AKAP6: variants seen among roughly 807,000 people sequenced by gnomAD.
AKAP6 encodes A-kinase anchor protein 6.
In AKAP6, 58 loss-of-function variants were observed where a neutral mutation model predicts 188.5. That is an observed-to-expected ratio of 0.31 (90% CI 0.25 to 0.38). The LOEUF (loss-of-function observed/expected upper bound fraction) is 0.38, where lower values mean the gene tolerates loss of function less well. Among genes scored for constraint, AKAP6 ranks in the 10% least tolerant of loss-of-function variants. The pLI, the probability that AKAP6 is intolerant of heterozygous loss-of-function variation, is 1.00. For synonymous variants in AKAP6, 989 were observed against 998.6 expected (o/e 0.99, Z 0.18); for missense variants, 2,710 against 2,740.0 (o/e 0.99, Z 0.24).
At chr14:32,786,037 G>A (rs1028043706) in intron 12 of AKAP6, among the ~76,000 whole-genome samples, 3 of 152,076 alleles carry the variant, frequency 2.0e-5, no homozygotes, top group African/African-American at 4.8e-5. Context: ...ATGTTCTGGG[G>A]TCATTTCTAA....
chr14:32,548,761 T>C (rs1211870215), intron 4 of AKAP6, among the ~76,000 whole-genome samples: 1 of 152,180 alleles, frequency 6.6e-6, no homozygotes, highest in African/African-American at 2.4e-5. Context: ...TATAGTATCA[T>C]GTTGCCTCCC....
chr14:32,555,498 G>A (rs1306463297), intron 4 of AKAP6, among the ~76,000 whole-genome samples: 1 of 152,128 alleles, frequency 6.6e-6, no homozygotes, highest in Non-Finnish European at 1.5e-5. Context: ...CATTTTTTAA[G>A]TGCACAGTTT....
chr14:32,388,357 C>A (rs1052613720), intron 1 of AKAP6, among the ~76,000 whole-genome samples: 25 of 151,814 alleles, frequency 1.6e-4, no homozygotes, highest in African/African-American at 5.6e-4. Flanking sequence ...GTTTCAATTT[C>A]ATTTAGTTCT....
chr14:32,462,901 C>CAAAAAAAAAAAAAAAA (rs71143943), intron 2 of AKAP6, among the ~76,000 whole-genome samples: 9 of 8,820 alleles, frequency 1.0e-3, no homozygotes, highest in South Asian at 5.2e-3. Context: ...AAATGGAAAG[C>CAAAAAAAAAAAAAAAA]AAAAAAAAAA....
intron 1 of AKAP6, among the ~76,000 whole-genome samples, chr14:32,341,030 A>G (rs1189227460): frequency 6.6e-6 from 1 of 152,250 alleles, no homozygotes; most frequent in Non-Finnish European, 1.5e-5. Flanking sequence ...TATACCATTT[A>G]TATTTCACAC....
intron 1 of AKAP6, among the ~76,000 whole-genome samples, chr14:32,352,363 A>T (rs1257313897): frequency 6.6e-6 from 1 of 151,968 alleles, no homozygotes; most frequent in African/African-American, 2.4e-5. Context: ...TGTTTAAATC[A>T]GGGTATTTAA....
intron 5 of AKAP6, among the ~76,000 whole-genome samples, chr14:32,578,447 C>A (rs530759723): frequency 6.6e-6 from 1 of 152,176 alleles, no homozygotes; most frequent in Non-Finnish European, 1.5e-5. Flanking sequence ...CTAACCACCT[C>A]TCTTGTACAT....
chr14:32,823,883 C>G lies in AKAP6; in HGVS notation c.6070C>G (p.Gln2024Glu), dbSNP rs930659901. The change falls in exon 13 of 14, where the codon CAA (glutamine) becomes GAA (glutamate). Residue 2024 changes from glutamine to glutamate, a missense_variant. By Grantham distance (29) the Gln-to-Glu change is conservative. Transcript: ENST00000280979. The stretch of plus-strand genomic sequence containing the variant: ...TGCTGGTTGTTGCCTAGCACTTGAA[C>G]AAAACGGAACAGAGGAAAATGCTTC... ...KSAGCCLALE[Q>E]NGTEENASIS... 23 of 1,613,810 alleles carry G rather than the reference C, an allele frequency of 1.4e-5. No individual in the cohort carries two copies. Among genetic ancestry groups the G allele is most frequent in the Non-Finnish European group, 1.9e-5 (22 of 1,179,912 alleles).
rs541202920 is a variant in AKAP6 at position 32,456,711 on chromosome 14, ACTGGTCGTGAC to A, written c.324+22896_324+22906del. On this transcript the variant is annotated intron_variant, in intron 2 of 13. Transcript: ENST00000280979. ...CATGTATCTGTGGTTGGCAGGTAGG[ACTGGTCGTGAC>A]CAGAGTCAGAGAAGAGGATCTTGTC... Among the ~76,000 whole-genome samples the A allele has an allele frequency of 9.8e-3, 1,487 of 152,322 alleles. 10 individuals carry two copies. The highest frequency in any genetic ancestry group is 0.061 in the Middle Eastern group (18 of 294).
At chr14:32,766,712 T>A (rs1275725859) in intron 11 of AKAP6, among the ~76,000 whole-genome samples, 1 of 152,144 alleles carries the variant, frequency 6.6e-6, no homozygotes, top group African/African-American at 2.4e-5. Flanking sequence ...TTTTCTCCCA[T>A]TCTGTGGTTT....
chr14:32,503,041 T>C (rs545804860), intron 2 of AKAP6, among the ~76,000 whole-genome samples: 2 of 152,290 alleles, frequency 1.3e-5, no homozygotes, highest in South Asian at 4.1e-4. Flanking sequence ...GTTGCACTAA[T>C]TTACCGTCCA....
At position 32,469,741 on chromosome 14, in the gene AKAP6, T is replaced by C. The variant is rs189168795; in HGVS notation, c.324+35924T>C. ...TTTTTTTTTTATTATTATACTTGTC[T>C]TGGCTCGTCAGCCAGACATGCTGCT... On this transcript the variant is annotated intron_variant, in intron 2 of 13. Coordinates refer to ENST00000280979, the MANE Select transcript of AKAP6 (RefSeq NM_004274.5). Among the ~76,000 whole-genome samples the C allele has an allele frequency of 5.3e-5, 8 of 150,750 alleles. No homozygotes were observed. In the East Asian group the frequency reaches 1.6e-3, roughly 29 times the overall value.
intron 9 of AKAP6, chr14:32,718,321 T>C: frequency 2.0e-6 from 2 of 985,370 alleles, no homozygotes; most frequent in Non-Finnish European, 2.4e-6. Context: ...CAGCAGCGTT[T>C]AAGCCTTAAA....
At chr14:32,513,910 T>C (rs1881383716) in intron 2 of AKAP6, among the ~76,000 whole-genome samples, 2 of 152,230 alleles carry the variant, frequency 1.3e-5, no homozygotes, top group Admixed American at 1.3e-4. Context: ...TGCGATTAAA[T>C]ATATTTTACA....
At chr14:32,537,602 C>G (rs569731503) in intron 3 of AKAP6, among the ~76,000 whole-genome samples, 2 of 152,318 alleles carry the variant, frequency 1.3e-5, no homozygotes, top group Middle Eastern at 3.4e-3. Context: ...AGTGCTCTGT[C>G]CAACATCCAA....
At chr14:32,348,161 G>A (rs889942148) in intron 1 of AKAP6, among the ~76,000 whole-genome samples, 1 of 152,154 alleles carries the variant, frequency 6.6e-6, no homozygotes, top group African/African-American at 2.4e-5. Context: ...TTCAAGGTGG[G>A]CCAGACCAGA....
At position 32,546,263 on chromosome 14, in the gene AKAP6, C is replaced by T. The variant is rs776463250; in HGVS notation, c.1610C>T (p.Thr537Ile). ...SAVPNGELSYTSKAIEGPQTN... is the reference protein window; with the variant it reads ...SAVPNGELSYISKAIEGPQTN... ...GTGCCAAATGGAGAGCTTTCTTATA[C>T]TTCCAAGGCCATAGAGGGGCCACAA... is the stretch of plus-strand genomic sequence containing the variant. The change falls in exon 4 of 14, where the codon ACT (threonine) becomes ATT (isoleucine). Residue 537 changes from threonine to isoleucine, a missense_variant. Thr to Ile is a moderately conservative substitution (Grantham distance 89). Transcript: ENST00000280979. 6 of 1,614,074 alleles carry T rather than the reference C, an allele frequency of 3.7e-6. No individual in the cohort carries two copies. In the East Asian group the frequency reaches 8.9e-5, roughly 24 times the overall value.
chr14:32,342,503 A>G (rs1322085010), intron 1 of AKAP6, among the ~76,000 whole-genome samples: 1 of 152,184 alleles, frequency 6.6e-6, no homozygotes, highest in African/African-American at 2.4e-5. Flanking sequence ...GATCTAGGTC[A>G]TGCTCTTCTA....
At chr14:32,615,507 A>G in intron 7 of AKAP6, among the ~76,000 whole-genome samples, 1 of 150,994 alleles carries the variant, frequency 6.6e-6, no homozygotes, top group Non-Finnish European at 1.5e-5. Context: ...TAATCTGTTG[A>G]GTATTATGTA....
Sources: allele counts gnomAD v4.1 joint callset (sites outside exome capture counted in the v4.1 genomes callset), GRCh38; gene constraint gnomAD v4.1.1; transcripts MANE v1.5; gene names NCBI Gene and HGNC (gene_info 2026-07-23, HGNC 2026-07-21).